Variants in AZIN1 observed in about 807,000 individuals in gnomAD.
AZIN1 encodes antizyme inhibitor 1.
Under a neutral mutation model 47.4 loss-of-function variants are expected in AZIN1, and 12 were observed. That is an observed-to-expected ratio of 0.25 (90% CI 0.16 to 0.41). The LOEUF (loss-of-function observed/expected upper bound fraction) is 0.41, where lower values mean the gene tolerates loss of function less well. AZIN1 is among the 10% of genes least tolerant of loss of function. The pLI, the probability that AZIN1 is intolerant of heterozygous loss-of-function variation, is 1.00. For synonymous variants in AZIN1, 155 were observed against 176.3 expected (o/e 0.88, Z 0.96); for missense variants, 410 against 532.4 (o/e 0.77, Z 2.26).
At chr8:102,852,004 C>A (rs1586196211) in intron 2 of AZIN1, among the ~76,000 whole-genome samples, 1 of 152,096 alleles carries the variant, frequency 6.6e-6, no homozygotes, top group East Asian at 1.9e-4. Flanking sequence ...CTTGTTTTTG[C>A]CTTTTATTTA....
chr8:102,856,546 T>A (rs574079189), intron 2 of AZIN1, among the ~76,000 whole-genome samples: 1 of 152,352 alleles, frequency 6.6e-6, no homozygotes, highest in East Asian at 1.9e-4. Context: ...ATATTAACTA[T>A]AATGCAAGGT....
chr8:102,846,109 T>C (rs1812553317), intron 2 of AZIN1, among the ~76,000 whole-genome samples: 2 of 152,206 alleles, frequency 1.3e-5, no homozygotes. Context: ...TTATTGATTA[T>C]AAACGACAAC....
At chr8:102,842,117 GA>G (rs199990476) in intron 3 of AZIN1, among the ~76,000 whole-genome samples, 16 of 139,224 alleles carry the variant, frequency 1.1e-4, no homozygotes, top group Admixed American at 1.4e-4. Context: ...GTCTCAAAGA[GA>G]AAAAAAAAAA....
intron 2 of AZIN1, among the ~76,000 whole-genome samples, chr8:102,853,048 G>T (rs1480913526): frequency 6.6e-6 from 1 of 152,216 alleles, no homozygotes; most frequent in African/African-American, 2.4e-5. Context: ...AAAAGGGATT[G>T]GTTTACCTGG....
chr8:102,836,423 G>A (rs745847557), intron 5 of AZIN1, 33 bp from the exon 6 acceptor site: 4 of 1,607,204 alleles, frequency 2.5e-6, no homozygotes, highest in Non-Finnish European at 2.6e-6. Context: ...GGGCAGAGTT[G>A]GTTTACATCA....
At chr8:102,829,552 A>G (rs1388251414) in intron 10 of AZIN1, 66 bp from the exon 11 acceptor site, 6 of 1,397,762 alleles carry the variant, frequency 4.3e-6, no homozygotes, top group South Asian at 2.6e-5. Flanking sequence ...TTGTGAGTAA[A>G]TAAGTATTTT....
intron 1 of AZIN1, among the ~76,000 whole-genome samples, chr8:102,860,869 G>A (rs1339570072): frequency 6.6e-6 from 1 of 152,176 alleles, no homozygotes; most frequent in Non-Finnish European, 1.5e-5. Flanking sequence ...CCCAAGTTTA[G>A]GGGAGGGGAG....
At chr8:102,862,163 T>G (rs1813714458) in intron 1 of AZIN1, among the ~76,000 whole-genome samples, 1 of 152,214 alleles carries the variant, frequency 6.6e-6, no homozygotes, top group Admixed American at 6.5e-5. Context: ...CAGCTGTATT[T>G]TTGTCAACGT....
chr8:102,858,259 A>C (rs1001164367), intron 1 of AZIN1, 109 bp from the exon 2 acceptor site: 7 of 394,566 alleles, frequency 1.8e-5, no homozygotes, highest in African/African-American at 1.4e-4. Flanking sequence ...ACAATGTTTC[A>C]TTAAAGTCAC....
chr8:102,836,974 A>C (rs540417884), intron 5 of AZIN1, among the ~76,000 whole-genome samples: 11 of 152,120 alleles, frequency 7.2e-5, no homozygotes, highest in Non-Finnish European at 1.0e-4. Context: ...GCGCAATTTC[A>C]GCTCACTGCA....
chr8:102,844,295 CTAG>C (rs1812415754), intron 2 of AZIN1, among the ~76,000 whole-genome samples: 1 of 151,906 alleles, frequency 6.6e-6, no homozygotes, highest in Admixed American at 6.6e-5. Context: ...TTGCATGAGC[CTAG>C]GAGTTTGAGA....
chr8:102,851,747 G>A (rs1812932499), intron 2 of AZIN1, among the ~76,000 whole-genome samples: 1 of 152,058 alleles, frequency 6.6e-6, no homozygotes, highest in African/African-American at 2.4e-5. Flanking sequence ...AGAGGCCCCT[G>A]TACCTCTCCC....
intron 2 of AZIN1, among the ~76,000 whole-genome samples, chr8:102,848,108 GT>G (rs1812688470): frequency 6.6e-6 from 1 of 151,966 alleles, no homozygotes; most frequent in Admixed American, 6.5e-5. Flanking sequence ...CAGTAACTCG[GT>G]ATACAGGATG....
chr8:102,863,513 CCCCGCGCGCTCCCCCACTGGCACACG>C (rs1187345036), intron 1 of AZIN1, among the ~76,000 whole-genome samples: 1 of 151,464 alleles, frequency 6.6e-6, no homozygotes, highest in Non-Finnish European at 1.5e-5. Flanking sequence ...GCGGCGAGAC[CCCCGCGCGCTCCCCCACTGGCACACG>C]CCCCCTCGCC....
At chr8:102,829,727 TAA>T in intron 10 of AZIN1, 92 bp downstream of exon 10, 1 of 997,762 alleles carries the variant, frequency 1.0e-6, no homozygotes, top group Admixed American at 2.2e-5. Flanking sequence ...TTCCCCATTC[TAA>T]GATGTTTTTC....
chr8:102,835,770 G>A (rs1811783747), intron 6 of AZIN1, among the ~76,000 whole-genome samples: 1 of 152,160 alleles, frequency 6.6e-6, no homozygotes, highest in Non-Finnish European at 1.5e-5. Context: ...AGGGCTTAGT[G>A]TTACTATGCC....
intron 2 of AZIN1, 101 bp from the exon 3 acceptor site, chr8:102,843,848 C>T (rs528125026): frequency 4.2e-5 from 33 of 794,218 alleles, no homozygotes; most frequent in African/African-American, 1.4e-4. Flanking sequence ...GAGGAATTTA[C>T]GCAATTTTAC....
At chr8:102,833,305 A>G (rs1031902854) in intron 8 of AZIN1, 87 bp from the exon 9 acceptor site, 7 of 1,272,796 alleles carry the variant, frequency 5.5e-6, no homozygotes, top group Non-Finnish European at 7.6e-6. Context: ...AAAATTTTCT[A>G]GGAAAATGAA....
intron 3 of AZIN1, among the ~76,000 whole-genome samples, chr8:102,841,599 G>A (rs865881822): frequency 6.6e-6 from 1 of 152,214 alleles, no homozygotes; most frequent in South Asian, 2.1e-4. Flanking sequence ...AAGTTGAATG[G>A]CAGAGGAAGA....
Sources: allele counts gnomAD v4.1 joint callset (sites outside exome capture counted in the v4.1 genomes callset), GRCh38; gene constraint gnomAD v4.1.1; transcripts MANE v1.5; gene names NCBI Gene and HGNC (gene_info 2026-07-23, HGNC 2026-07-21).